The following SPTAN1 variants were observed in gnomAD, a reference collection of about 807,000 sequenced individuals.
SPTAN1 encodes the protein spectrin alpha chain, non-erythrocytic 1.
In SPTAN1, 61 loss-of-function variants were observed where a neutral mutation model predicts 331.3. The ratio of observed to expected loss-of-function variants is 0.18; its 90% CI spans 0.15 to 0.23. The LOEUF (loss-of-function observed/expected upper bound fraction) is 0.23. Among genes scored for constraint, SPTAN1 ranks in the 10% least tolerant of loss-of-function variants. The pLI is 1.00. For missense variants in SPTAN1, 2,043 were observed against 3,147.9 expected (o/e 0.65, Z 8.40); for synonymous variants, 1,153 against 1,173.9 (o/e 0.98, Z 0.36).
At chr9:128,585,681 T>A in intron 18 of SPTAN1, 67 bp from the exon 19 acceptor site, 2 of 1,366,822 alleles carry the variant, frequency 1.5e-6, no homozygotes, top group South Asian at 2.3e-5. Context: ...CAGAGAAAAC[T>A]TATTTTTGTC....
At chr9:128,598,679 C>T in intron 25 of SPTAN1, 175 bp downstream of exon 25, 1 of 699,732 alleles carries the variant, frequency 1.4e-6, no homozygotes, top group East Asian at 2.7e-5. Context: ...ATACCCATAT[C>T]CCTCACTTTC....
intron 27 of SPTAN1, among the ~76,000 whole-genome samples, chr9:128,600,633 G>A (rs566772447): frequency 2.0e-5 from 3 of 152,304 alleles, no homozygotes; most frequent in Non-Finnish European, 4.4e-5. Flanking sequence ...GGCCATCCCT[G>A]ACCAAGAATA....
At position 128,608,008 on chromosome 9, in the gene SPTAN1, G is replaced by T; in HGVS notation, c.4303G>T (p.Val1435Phe). The T allele has an allele frequency of 1.9e-6, 3 of 1,614,168 alleles. No individual in the cohort carries two copies. Among genetic ancestry groups the T allele is most frequent in the Non-Finnish European group, 2.5e-6 (3 of 1,180,036 alleles). Residue 1435 changes from valine (V) to phenylalanine (F), a missense_variant, in exon 33 of 57, where the codon GTT becomes TTT. This residue lies in a region of SPTAN1 where 179 missense variants were observed against 215.7 expected (regional missense o/e 0.83). Coordinates refer to ENST00000372739, the MANE Select transcript of SPTAN1 (RefSeq NM_001130438.3). Reference sequence around the variant, plus strand: ...GCGTGCAGACCTGGAGAAGGCCTGGGTTCAGCGCAGGATGATGCTGGATCA... The same window carrying T: ...GCGTGCAGACCTGGAGAAGGCCTGGTTTCAGCGCAGGATGATGCTGGATCA... Reference protein sequence around the residue: ...QERADLEKAWVQRRMMLDQCL... With the variant: ...QERADLEKAWFQRRMMLDQCL...
chr9:128,621,263 C>A lies in SPTAN1; in HGVS notation c.5832+7C>A. The A allele has an allele frequency of 6.2e-7, 1 of 1,611,688 alleles. No individual in the cohort carries two copies. The highest frequency in any genetic ancestry group is 8.5e-7 in the Non-Finnish European group (1 of 1,179,062). ...ACAAGACCTCATTAAGAAGGTGAGT[C>A]CAGCCCATTGGTAAGACCTCCATCG... On this transcript the variant is annotated splice_region_variant and intron_variant, in intron 45 of 56. Coordinates refer to ENST00000372739, the MANE Select transcript of SPTAN1 (RefSeq NM_001130438.3).
At chr9:128,612,707 C>T (rs1367933559) in intron 39 of SPTAN1, among the ~76,000 whole-genome samples, 1 of 152,150 alleles carries the variant, frequency 6.6e-6, no homozygotes, top group Admixed American at 6.5e-5. Context: ...AGGCAGATCA[C>T]TTGAGGTCAG....
At chr9:128,563,470 C>A (rs1441433260) in intron 1 of SPTAN1, among the ~76,000 whole-genome samples, 1 of 152,108 alleles carries the variant, frequency 6.6e-6, no homozygotes, top group Non-Finnish European at 1.5e-5. Flanking sequence ...TGTGGTCAAT[C>A]CAAGATTGGT....
At position 128,625,155 on chromosome 9, in the gene SPTAN1, T is replaced by C; in HGVS notation, c.6045T>C (p.Ser2015=). The C allele has an allele frequency of 6.2e-7, 1 of 1,614,234 alleles. No homozygotes were observed. Among genetic ancestry groups the C allele is most frequent in the East Asian group, 2.2e-5 (1 of 44,890 alleles). ...ATGATTATGGCCGAGACCTGTCTTC[T>C]GTGCAGACGCTCCTCACCAAACAGG... The part of the protein sequence containing the change: ...KTDDYGRDLS[S]VQTLLTKQET... The change falls in exon 47 of 57, where the codon TCT becomes TCC. Residue 2015 remains serine, a synonymous_variant. Coordinates refer to ENST00000372739, the MANE Select transcript of SPTAN1 (RefSeq NM_001130438.3). This position sits in a 1 kb window ranked among gnomAD's most constrained non-coding sequence, Gnocchi z 4.1.
In SPTAN1 at chr9:128,575,179, C is replaced by G. The variant is rs779640676; in HGVS notation, c.505-20C>G. On this transcript the variant is annotated intron_variant, in intron 4 of 56. Coordinates refer to ENST00000372739, the MANE Select transcript of SPTAN1 (RefSeq NM_001130438.3). ...CAAATGTTGGTTGGTGACTCTGGCT[C>G]TCTTATGGTCCCTGAATAGGAAGCA... The G allele has an allele frequency of 1.1e-5, 17 of 1,614,124 alleles. No homozygotes were observed. The highest frequency in any genetic ancestry group is 1.4e-5 in the Non-Finnish European group (16 of 1,180,022).
At chr9:128,564,100 C>G (rs978316388) in intron 1 of SPTAN1, among the ~76,000 whole-genome samples, 2 of 151,968 alleles carry the variant, frequency 1.3e-5, no homozygotes, top group Non-Finnish European at 2.9e-5. Flanking sequence ...CTATCAAAAC[C>G]CTGTCTCTAC....
intron 26 of SPTAN1, 68 bp downstream of exon 26, chr9:128,599,054 G>A (rs1854698589): frequency 2.7e-6 from 4 of 1,466,882 alleles, no homozygotes; most frequent in Non-Finnish European, 3.8e-6. Flanking sequence ...AGAATATCAA[G>A]CCAAGAACTT....
chr9:128,595,609 T>TTTA (rs1319872973), intron 24 of SPTAN1, among the ~76,000 whole-genome samples: 3 of 152,138 alleles, frequency 2.0e-5, no homozygotes, highest in Non-Finnish European at 4.4e-5. Flanking sequence ...TTCAGTGGTA[T>TTTA]TTAGTACATT....
At chr9:128,564,692 G>A (rs1036928808) in intron 1 of SPTAN1, among the ~76,000 whole-genome samples, 6 of 152,186 alleles carry the variant, frequency 3.9e-5, no homozygotes, top group South Asian at 2.1e-4. Context: ...GTGTGATTAC[G>A]TCTGAGAAGG....
chr9:128,563,995 G>A (rs1353612724), intron 1 of SPTAN1, among the ~76,000 whole-genome samples: 3 of 152,024 alleles, frequency 2.0e-5, no homozygotes, highest in African/African-American at 4.8e-5. Context: ...ATACAGGACC[G>A]GACATGGTGG....
chr9:128,560,741 C>T (rs374241065), intron 1 of SPTAN1, among the ~76,000 whole-genome samples: 3 of 151,788 alleles, frequency 2.0e-5, no homozygotes, highest in Non-Finnish European at 4.4e-5. Context: ...GAGTGAAGGC[C>T]GGGTGCTGTG....
At chr9:128,628,464 C>T (rs1038024327) in intron 51 of SPTAN1, 18 of 334,684 alleles carry the variant, frequency 5.4e-5, no homozygotes, top group African/African-American at 3.9e-4. Context: ...GGGAGGGTAA[C>T]AAGACTGTCC....
At chr9:128,613,163 A>G (rs1280118441) in intron 39 of SPTAN1, among the ~76,000 whole-genome samples, 2 of 152,116 alleles carry the variant, frequency 1.3e-5, no homozygotes, top group East Asian at 3.9e-4. Flanking sequence ...TTTACTATGA[A>G]TAGACTCTGG....
At chr9:128,605,231 A>C in intron 30 of SPTAN1, 53 bp downstream of exon 30, 2 of 1,614,156 alleles carry the variant, frequency 1.2e-6, no homozygotes, top group Non-Finnish European at 1.7e-6. Flanking sequence ...CAGAAAGAGC[A>C]GAGTCTTCTG....
intron 24 of SPTAN1, 75 bp from the exon 25 acceptor site, chr9:128,598,325 A>G (rs1207904225): frequency 6.4e-6 from 7 of 1,095,580 alleles, no homozygotes; most frequent in Non-Finnish European, 9.5e-6. Context: ...GTTTCAAGCC[A>G]TAGTTTGTGA....
intron 1 of SPTAN1, among the ~76,000 whole-genome samples, chr9:128,554,963 C>CT (rs1848478688): frequency 6.6e-6 from 1 of 152,212 alleles, no homozygotes; most frequent in Non-Finnish European, 1.5e-5. Context: ...AAGTCATGCT[C>CT]TTTTATTGCT....
Sources: gnomAD v4.1 joint callset for allele counts (sites outside exome capture counted in the v4.1 genomes callset) on GRCh38, gnomAD v4.1.1 for gene constraint, gnomAD v4.1.1 regional missense constraint, Gnocchi (gnomAD v3.1) non-coding constraint, MANE v1.5 for transcripts, NCBI Gene and HGNC (gene_info 2026-07-23, HGNC 2026-07-21) for gene names.